The following RARS2 variants were observed in gnomAD, a reference collection of about 807,000 sequenced individuals.
RARS2 encodes arginyl-tRNA synthetase 2, mitochondrial.
RARS2 carries 67 observed loss-of-function variants against 88.5 expected under a neutral mutation model. The ratio of observed to expected loss-of-function variants is 0.76; its 90% CI spans 0.62 to 0.93. The LOEUF is 0.93. Among genes scored for constraint, RARS2 ranks in the 40% least tolerant of loss-of-function variants. The probability of loss-of-function intolerance (pLI) is 0.00; values close to 1 mark genes in which losing one functional copy is unlikely to be tolerated. For missense variants in RARS2, 664 were observed against 684.2 expected (o/e 0.97, Z 0.33); for synonymous variants, 239 against 230.3 (o/e 1.04, Z -0.34).
At chr6:87,580,346 C>T (rs926743363) in intron 1 of RARS2, among the ~76,000 whole-genome samples, 1 of 151,888 alleles carries the variant, frequency 6.6e-6, no homozygotes, top group African/African-American at 2.4e-5. Context: ...TTACACAATG[C>T]GAACCAAATA....
At chr6:87,550,799 A>G (rs1277757675) in intron 5 of RARS2, among the ~76,000 whole-genome samples, 3 of 148,142 alleles carry the variant, frequency 2.0e-5, no homozygotes, top group Non-Finnish European at 4.5e-5. Flanking sequence ...CATAAAATAC[A>G]TTATTTAAGA....
chr6:87,588,025 C>T (rs1040481232), intron 1 of RARS2, among the ~76,000 whole-genome samples: 15 of 152,122 alleles, frequency 9.9e-5, no homozygotes, highest in African/African-American at 3.4e-4. Flanking sequence ...CCTCCCACCT[C>T]GGCCTCTCAA....
chr6:87,584,117 T>C (rs1774410413), intron 1 of RARS2, among the ~76,000 whole-genome samples: 1 of 152,222 alleles, frequency 6.6e-6, no homozygotes, highest in Non-Finnish European at 1.5e-5. Flanking sequence ...GCATGCTTAC[T>C]GCCCATTATA....
chr6:87,578,592 G>GC (rs1169637440), intron 1 of RARS2, among the ~76,000 whole-genome samples: 1 of 152,184 alleles, frequency 6.6e-6, no homozygotes, highest in Non-Finnish European at 1.5e-5. Context: ...ATGGTGCTAA[G>GC]CCTAGGATGG....
At position 87,518,863 on chromosome 6, in the gene RARS2, C is replaced by T; in HGVS notation, c.1266G>A (p.Glu422=). 3 of 1,614,068 alleles carry T rather than the reference C, an allele frequency of 1.9e-6. No homozygotes were observed. The highest frequency in any genetic ancestry group is 2.5e-6 in the Non-Finnish European group (3 of 1,179,992). Residue 422 remains glutamate, a synonymous_variant, in exon 15 of 20, where the codon GAG becomes GAA. Transcript: ENST00000369536. ...CTGCGAGCCCGACCCTCTCTGCAGT[C>T]TCTTGTGGGTTCTTGAGTTCTTTAG... The part of the protein sequence containing the change: ...KTTKELKNPQ[E]TAERVGLAAL...
intron 2 of RARS2, among the ~76,000 whole-genome samples, chr6:87,568,217 G>A (rs1169652531): frequency 1.3e-5 from 2 of 152,200 alleles, no homozygotes; most frequent in Non-Finnish European, 2.9e-5. Flanking sequence ...AAACAAACAG[G>A]CTGGGTGTGG....
At position 87,519,534 on chromosome 6, in the gene RARS2, T is replaced by C. The variant is rs768389639; in HGVS notation, c.1237+49A>G. On this transcript the variant is annotated intron_variant, in intron 14 of 19. Transcript: ENST00000369536. ...ACACTGCCCAAAGTCCAGAATAACA[T>C]AAAAGTGGCACGTAAGTTATGACTT... 1.5e-5 allele frequency: 23 copies of C among 1,568,668 alleles called. 1 individual carries two copies. In the South Asian group the frequency reaches 2.0e-4, roughly 14 times the overall value.
chr6:87,519,058 C>G (rs573594453), intron 14 of RARS2, 167 bp from the exon 15 acceptor site: 1 of 687,702 alleles, frequency 1.5e-6, no homozygotes, highest in Non-Finnish European at 2.6e-6. Flanking sequence ...AATGACATTT[C>G]CCCTGCCTAC....
intron 7 of RARS2, among the ~76,000 whole-genome samples, chr6:87,542,329 T>C (rs541133254): frequency 6.6e-6 from 1 of 152,284 alleles, no homozygotes; most frequent in Admixed American, 6.5e-5. Flanking sequence ...AAAATAAACA[T>C]TTATTAAGCA....
At chr6:87,562,431 T>A (rs1024060373) in intron 4 of RARS2, among the ~76,000 whole-genome samples, 11 of 152,314 alleles carry the variant, frequency 7.2e-5, no homozygotes, top group South Asian at 2.1e-4. Flanking sequence ...TCTATACACG[T>A]TGTGTATGAA....
At chr6:87,515,365 C>CA in intron 18 of RARS2, among the ~76,000 whole-genome samples, 3 of 151,950 alleles carry the variant, frequency 2.0e-5, no homozygotes, top group Non-Finnish European at 4.4e-5. Context: ...ACTAAAAATA[C>CA]AAAAATTAGC....
intron 5 of RARS2, among the ~76,000 whole-genome samples, chr6:87,553,923 T>C (rs558174402): frequency 6.6e-6 from 1 of 152,312 alleles, no homozygotes; most frequent in South Asian, 2.1e-4. Context: ...GAGTTTGCTC[T>C]TAGAGGGTCT....
At chr6:87,589,601 T>C in intron 1 of RARS2, 1 of 911,604 alleles carries the variant, frequency 1.1e-6, no homozygotes, top group African/African-American at 1.8e-5. Context: ...TAAAGAACAC[T>C]AACTTCTATG....
chr6:87,554,553 C>G (rs1785224785), intron 5 of RARS2, among the ~76,000 whole-genome samples: 1 of 152,116 alleles, frequency 6.6e-6, no homozygotes, highest in South Asian at 2.1e-4. Context: ...AATTCCTAGG[C>G]TCAAGCCATC....
At chr6:87,552,334 C>G (rs1380460979) in intron 5 of RARS2, among the ~76,000 whole-genome samples, 1 of 152,122 alleles carries the variant, frequency 6.6e-6, no homozygotes, top group African/African-American at 2.4e-5. Context: ...CCTATTTTGT[C>G]TCTACTTTGA....
chr6:87,547,250 T>A (rs1782867048), intron 6 of RARS2, among the ~76,000 whole-genome samples: 1 of 152,260 alleles, frequency 6.6e-6, no homozygotes, highest in African/African-American at 2.4e-5. Context: ...GACTTACTCA[T>A]ATAGCTTTTT....
At chr6:87,562,962 C>T (rs890802567) in intron 3 of RARS2, among the ~76,000 whole-genome samples, 177 bp from the exon 4 acceptor site, 3 of 152,134 alleles carry the variant, frequency 2.0e-5, no homozygotes, top group South Asian at 2.1e-4. Flanking sequence ...TAAGTAAACA[C>T]ATTTTCTTTT....
chr6:87,579,724 T>G (rs1280905698), intron 1 of RARS2, among the ~76,000 whole-genome samples: 2 of 114,488 alleles, frequency 1.7e-5, no homozygotes, highest in Non-Finnish European at 3.8e-5. Flanking sequence ...TGTTTTTTTT[T>G]TTTTTTTTTT....
At chr6:87,579,715 GTTTTTTTTTTTT>G (rs35014020) in intron 1 of RARS2, among the ~76,000 whole-genome samples, 13 of 60,466 alleles carry the variant, frequency 2.1e-4, no homozygotes, top group East Asian at 1.1e-3. Flanking sequence ...CATAGAGCAT[GTTTTTTTTTTTT>G]TTTTTTTTTT....
Sources: gnomAD v4.1 joint callset for allele counts (sites outside exome capture counted in the v4.1 genomes callset) on GRCh38, gnomAD v4.1.1 for gene constraint, MANE v1.5 for transcripts, NCBI Gene and HGNC (gene_info 2026-07-23, HGNC 2026-07-21) for gene names.